The following ZCCHC14 variants were observed in gnomAD, a reference collection of about 807,000 sequenced individuals.
The protein encoded by ZCCHC14 is zinc finger CCHC-type containing 14.
Under a neutral mutation model 85.0 loss-of-function variants are expected in ZCCHC14, and 16 were observed. The observed-to-expected ratio is 0.19, with a 90% CI of 0.13 to 0.29. ZCCHC14 has a LOEUF of 0.29. Ranked by LOEUF, ZCCHC14 falls within the 10% of genes least tolerant of loss-of-function variation. The pLI is 1.00. For synonymous variants in ZCCHC14, 775 were observed against 630.7 expected (o/e 1.23, Z -3.43); for missense variants, 1,303 against 1,443.5 (o/e 0.90, Z 1.58).
In ZCCHC14 at chr16:87,492,863, G is replaced by C. The variant is rs1912839348; in HGVS notation, c.-625C>G. Among the ~76,000 whole-genome samples the C allele has an allele frequency of 6.7e-6, 1 of 148,378 alleles. No homozygotes were observed. The highest frequency in any genetic ancestry group is 2.4e-5 in the African/African-American group (1 of 40,932). Reference sequence around the variant, plus strand: ...GCGCGGAGGGATCCGGCCGGGACTTGCCGGCCTTGCTGCTCCCGCGCGGCG... The same window carrying C: ...GCGCGGAGGGATCCGGCCGGGACTTCCCGGCCTTGCTGCTCCCGCGCGGCG... On this transcript the variant is annotated 5_prime_UTR_variant, in exon 1 of 13. Transcript: ENST00000671377. This position sits in a 1 kb window ranked among gnomAD's most constrained non-coding sequence, Gnocchi z 6.7.
chr16:87,417,662 G>A lies in ZCCHC14; in HGVS notation c.1181C>T (p.Ala394Val). Residue 394 changes from alanine (A) to valine (V), a missense_variant, in exon 8 of 13, where the codon GCC (alanine) becomes GTC (valine). Physicochemically the swap from Ala to Val is moderately conservative, Grantham distance 64 (BLOSUM62 0). Coordinates refer to ENST00000671377, the MANE Select transcript of ZCCHC14 (RefSeq NM_015144.3). ...CGCATGGGAGCAGTGAGGCAAGGGG[G>A]CGGCGGAGCCGGCCGGGTGCTGCCC... ...HHGQHPAGSAAPLPHCSHAGS... is the reference protein window; with the variant it reads ...HHGQHPAGSAVPLPHCSHAGS... 6.2e-7 allele frequency: 1 copy of A among 1,612,728 alleles called. No homozygotes were observed. The highest frequency in any genetic ancestry group is 8.5e-7 in the Non-Finnish European group (1 of 1,179,428).
At position 87,491,786 on chromosome 16, in the gene ZCCHC14, C is replaced by T. The variant is rs753554470; in HGVS notation, c.453G>A (p.Gln151=). 8.2e-6 allele frequency: 13 copies of T among 1,589,096 alleles called. No homozygotes were observed. The highest frequency in any genetic ancestry group is 8.5e-7 in the Non-Finnish European group (1 of 1,171,230). Residue 151 remains glutamine (Q), a synonymous_variant, in exon 1 of 13, where the codon CAG becomes CAA. Transcript: ENST00000671377. The surrounding 1 kb of genome is among the most constrained non-coding windows in gnomAD (Gnocchi z 5.9). The part of the protein sequence containing the change: ...NHPAFSFHQK[Q]VLRQELTQIQ... Reference sequence around the variant, plus strand: ...TCTGCGTGAGCTCCTGGCGCAGCACCTGCTTCTGGTGGAAGCTGAAGGCCG... The same window carrying T: ...TCTGCGTGAGCTCCTGGCGCAGCACTTGCTTCTGGTGGAAGCTGAAGGCCG...
chr16:87,431,719 G>C (rs566217010), intron 3 of ZCCHC14, among the ~76,000 whole-genome samples: 9 of 152,258 alleles, frequency 5.9e-5, no homozygotes, highest in South Asian at 2.1e-4. Context: ...TATCTGAAGA[G>C]GCCTGACACC....
intron 7 of ZCCHC14, 126 bp downstream of exon 7, chr16:87,418,721 T>C (rs1199595822): frequency 1.0e-6 from 1 of 983,224 alleles, no homozygotes; most frequent in Non-Finnish European, 1.6e-6. Context: ...TACTCAATTC[T>C]TCTCAATATC....
At chr16:87,443,493 T>C (rs1269414304) in intron 2 of ZCCHC14, among the ~76,000 whole-genome samples, 1 of 152,142 alleles carries the variant, frequency 6.6e-6, no homozygotes, top group African/African-American at 2.4e-5. Context: ...CCCAGCACTT[T>C]GGGAGGCCAA....
chr16:87,482,772 G>A (rs1166643403), intron 1 of ZCCHC14, among the ~76,000 whole-genome samples: 1 of 152,134 alleles, frequency 6.6e-6, no homozygotes, highest in Admixed American at 6.5e-5. Context: ...TGGGACAAAT[G>A]GGCTGTCATC....
chr16:87,492,920 G>GCGA lies in ZCCHC14; in HGVS notation c.-685_-683dup, dbSNP rs1232634332. On this transcript the variant is annotated 5_prime_UTR_variant, in exon 1 of 13. Coordinates refer to ENST00000671377, the MANE Select transcript of ZCCHC14 (RefSeq NM_015144.3). This position sits in a 1 kb window ranked among gnomAD's most constrained non-coding sequence, Gnocchi z 6.7. ...TCCGGGCCCGAGCGCGGCGGCGGCG[G>GCGA]CGACGGCGACGGCGACGGCGACGGC... Among the ~76,000 whole-genome samples, 1 of 140,934 alleles carries GCGA rather than the reference G, an allele frequency of 7.1e-6. No homozygotes were observed. The highest frequency in any genetic ancestry group is 2.1e-4 in the East Asian group (1 of 4,776). 92.5% of individuals were successfully genotyped at this position (140,934 alleles called of 152,430 possible). A position where few individuals can be genotyped will look rare whatever the true frequency, so the allele number is the denominator to read the frequency against.
chr16:87,425,790 C>G (rs1318375707), intron 3 of ZCCHC14, among the ~76,000 whole-genome samples: 1 of 152,124 alleles, frequency 6.6e-6, no homozygotes, highest in Non-Finnish European at 1.5e-5. Flanking sequence ...GTGTCTCTTT[C>G]AAGGTAAAGC....
intron 2 of ZCCHC14, among the ~76,000 whole-genome samples, chr16:87,445,493 T>C (rs1233322863): frequency 6.6e-6 from 1 of 152,234 alleles, no homozygotes; most frequent in African/African-American, 2.4e-5. Flanking sequence ...TTAATTATGA[T>C]TGCTGTGTTA....
intron 2 of ZCCHC14, among the ~76,000 whole-genome samples, chr16:87,438,044 T>C (rs1450654082): frequency 1.3e-5 from 2 of 152,352 alleles, no homozygotes; most frequent in Non-Finnish European, 1.5e-5. Context: ...AGGAATAACA[T>C]GGTTGTGACA....
chr16:87,455,562 C>A (rs1910916221), intron 2 of ZCCHC14, among the ~76,000 whole-genome samples: 1 of 152,200 alleles, frequency 6.6e-6, no homozygotes. Flanking sequence ...CCTCCTGTGT[C>A]TCTAATCACA....
At chr16:87,419,740 T>C in intron 6 of ZCCHC14, 43 bp downstream of exon 6, 1 of 1,513,122 alleles carries the variant, frequency 6.6e-7, no homozygotes, top group Non-Finnish European at 8.9e-7. Flanking sequence ...CCAGCTGTTT[T>C]TTTTTTTTTT....
chr16:87,492,083 G>T lies in ZCCHC14; in HGVS notation c.156C>A (p.Ala52=). The T allele has an allele frequency of 7.2e-7, 1 of 1,397,434 alleles. No individual in the cohort carries two copies. The highest frequency in any genetic ancestry group is 9.2e-7 in the Non-Finnish European group (1 of 1,083,238). 86.6% of individuals were successfully genotyped at this position (1,397,434 alleles called of 1,614,324 possible). The stretch of plus-strand genomic sequence containing the variant: ...CGCGCAGCGAGTGGTAGTCCTTGCG[G>T]GCCAGGTCCTCCAGGCACGAGCCGA... ...RFLGSCLEDL[A]RKDYHSLRDS... The change falls in exon 1 of 13, where the codon GCC becomes GCA. Residue 52 remains alanine, a synonymous_variant. Transcript: ENST00000671377. The surrounding 1 kb of genome is among the most constrained non-coding windows in gnomAD (Gnocchi z 6.7).
intron 2 of ZCCHC14, among the ~76,000 whole-genome samples, chr16:87,444,993 C>G (rs889841629): frequency 1.3e-5 from 2 of 152,120 alleles, no homozygotes; most frequent in Admixed American, 6.6e-5. Context: ...ACAATTCACT[C>G]CCAATGTTTC....
At chr16:87,436,409 G>A (rs149677638) in intron 2 of ZCCHC14, among the ~76,000 whole-genome samples, 135 of 152,378 alleles carry the variant, frequency 8.9e-4, no homozygotes, top group African/African-American at 3.2e-3. Flanking sequence ...CGCGGGCTCT[G>A]AAGGCTGAGA....
chr16:87,411,479 C>A (rs760972584), intron 12 of ZCCHC14, 37 bp downstream of exon 12: 3 of 1,607,856 alleles, frequency 1.9e-6, no homozygotes, highest in Non-Finnish European at 8.5e-7. Context: ...ACTGGTCCTG[C>A]GGGAGCCTGG....
chr16:87,492,247 C>T lies in ZCCHC14; in HGVS notation c.-9G>A. On this transcript the variant is annotated 5_prime_UTR_variant, in exon 1 of 13. Coordinates refer to ENST00000671377, the MANE Select transcript of ZCCHC14 (RefSeq NM_015144.3). This position sits in a 1 kb window ranked among gnomAD's most constrained non-coding sequence, Gnocchi z 6.7. ...CAGCGCTTCTCCACCATGCTGCCGC[C>T]CGCGCCGCGCCGCGACCCGGGGCCG... The T allele has an allele frequency of 1.0e-6, 1 of 981,796 alleles. No homozygotes were observed. The highest frequency in any genetic ancestry group is 1.2e-6 in the Non-Finnish European group (1 of 828,742). 60.8% of individuals were successfully genotyped at this position (981,796 alleles called of 1,614,324 possible). A position where few individuals can be genotyped will look rare whatever the true frequency, so the allele number is the denominator to read the frequency against.
intron 2 of ZCCHC14, among the ~76,000 whole-genome samples, chr16:87,441,320 G>C (rs1304791171): frequency 6.6e-6 from 1 of 152,190 alleles, no homozygotes; most frequent in Non-Finnish European, 1.5e-5. Flanking sequence ...AAATACTCAA[G>C]CTGATTACTA....
At chr16:87,462,695 G>A (rs899530630) in intron 1 of ZCCHC14, among the ~76,000 whole-genome samples, 4 of 151,250 alleles carry the variant, frequency 2.6e-5, no homozygotes, top group East Asian at 1.9e-4. Context: ...AGCCGAGATC[G>A]CGCCCCAGCA....
Sources: gnomAD v4.1 joint callset for allele counts (sites outside exome capture counted in the v4.1 genomes callset) on GRCh38, gnomAD v4.1.1 for gene constraint, Gnocchi (gnomAD v3.1) non-coding constraint, MANE v1.5 for transcripts, NCBI Gene and HGNC (gene_info 2026-07-23, HGNC 2026-07-21) for gene names.